The following ATRX variants were observed in gnomAD, a reference collection of about 807,000 sequenced individuals.
ATRX encodes ATRX chromatin remodeler.
Under a neutral mutation model 172.6 loss-of-function variants are expected in ATRX, and 12 were observed. The observed-to-expected ratio is 0.07, with a 90% CI of 0.04 to 0.11. The LOEUF is 0.11. ATRX is among the 10% of genes least tolerant of loss of function. The probability of loss-of-function intolerance (pLI) is 1.00; values close to 1 mark genes in which losing one functional copy is unlikely to be tolerated. For missense variants in ATRX, 1,368 were observed against 1,767.4 expected (o/e 0.77, Z 4.05); for synonymous variants, 674 against 594.7 (o/e 1.13, Z -1.94).
intron 30 of ATRX, among the ~76,000 whole-genome samples, chrX:77,525,985 T>G (rs1057143310): frequency 1.2e-4 from 13 of 112,303 alleles, no homozygotes; most frequent in African/African-American, 3.9e-4. Flanking sequence ...AAAAAATGTC[T>G]GAGATACCAG....
In ATRX at chrX:77,558,780, T is replaced by A; in HGVS notation, c.6393A>T (p.Arg2131=). The A allele has an allele frequency of 4.2e-6, 5 of 1,203,192 alleles. No homozygotes were observed. Among genetic ancestry groups the A allele is most frequent in the Non-Finnish European group, 5.6e-6 (5 of 887,867 alleles). ...SLGINLVAAN[R]VIIFDASWNP... ...TCCAAGAAGCGTCGAATATAATTAC[T>A]CGATTAGCAGCTACCAGATTAATTC... is the stretch of plus-strand genomic sequence containing the variant. The change falls in exon 29 of 35, where the codon CGA becomes CGT. Residue 2131 remains arginine (R), a synonymous_variant. Transcript: ENST00000373344.
intron 30 of ATRX, among the ~76,000 whole-genome samples, chrX:77,538,773 T>A (rs1291723617): frequency 8.9e-6 from 1 of 111,976 alleles, no homozygotes; most frequent in African/African-American, 3.2e-5. Flanking sequence ...TTTGCTGCTC[T>A]TACTTTACCA....
chrX:77,508,872 A>C (rs1211752606), intron 34 of ATRX, among the ~76,000 whole-genome samples: 1 of 112,288 alleles, frequency 8.9e-6, no homozygotes, highest in Non-Finnish European at 1.9e-5. Flanking sequence ...CATTTAGCTT[A>C]GTTGCCATAG....
At chrX:77,734,158 G>T (rs1246298282) in intron 1 of ATRX, among the ~76,000 whole-genome samples, 1 of 110,749 alleles carries the variant, frequency 9.0e-6, no homozygotes, top group Non-Finnish European at 1.9e-5. Flanking sequence ...AGTGAGCCGA[G>T]ATCGTGCCAG....
At position 77,681,887 on chromosome X, in the gene ATRX, G is replaced by A; in HGVS notation, c.3369C>T (p.Asn1123=). ...TTCTTTTCAGTCTCTTATCAGAAGA[G>A]TTACAACCATCTTCTTTCATGGAAT... ...EKYSMKEDGC[N]SSDKRLKRIE... The change falls in exon 9 of 35, where the codon AAC becomes AAT. Residue 1123 remains asparagine (N), a synonymous_variant. Transcript: ENST00000373344. The A allele has an allele frequency of 1.7e-6, 2 of 1,208,961 alleles. No homozygotes were observed. Among genetic ancestry groups the A allele is most frequent in the Non-Finnish European group, 2.2e-6 (2 of 893,664 alleles).
At position 77,505,306 on chromosome X, in the gene ATRX, G is replaced by GGGAA; in HGVS notation, c.*3041_*3044dup. On this transcript the variant is annotated 3_prime_UTR_variant, in exon 35 of 35. Transcript: ENST00000373344. ...ATGGAGGGAAAATGAACATAGCTAAGGGAAGGCTACAAAATATTCAGCTCA... is the reference window on the plus strand; with the variant it reads ...ATGGAGGGAAAATGAACATAGCTAAGGGAAGGAAGGCTACAAAATATTCAGCTCA... The GGGAA allele has an allele frequency of 5.7e-6, 1 of 174,448 alleles. No individual in the cohort carries two copies. The highest frequency in any genetic ancestry group is 8.1e-5 in the East Asian group (1 of 12,325). The allele number at this position is 174,448 out of a possible 1,213,427, so 14.4% of individuals were successfully genotyped here.
Position 77,574,295 on chromosome X carries a change from G to A in ATRX, c.6281C>T (p.Ser2094Leu), listed in dbSNP as rs782019900. The stretch of plus-strand genomic sequence containing the variant: ...AAATTCTTCAGCCCACTTCTTCCTT[G>A]ACTGTGCAGTAGTGGAACCATCTAA... ...YRLDGSTTAQ[S>L]RKKWAEEFND... The change falls in exon 28 of 35, where the codon TCA becomes TTA. Residue 2094 changes from serine (S) to leucine (L), a missense_variant. Physicochemically the swap from Ser to Leu is moderately radical, Grantham distance 145. Around this residue, in one of 17 missense-constraint regions of ATRX, gnomAD observed 45 missense variants for 120.2 expected, o/e 0.37. Coordinates refer to ENST00000373344, the MANE Select transcript of ATRX (RefSeq NM_000489.6). 3 of 1,207,518 alleles carry A rather than the reference G, an allele frequency of 2.5e-6. No individual in the cohort carries two copies. Among genetic ancestry groups the A allele is most frequent in the Non-Finnish European group, 3.4e-6 (3 of 892,695 alleles).
chrX:77,646,166 G>A (rs2068900486), intron 15 of ATRX, among the ~76,000 whole-genome samples: 1 of 111,736 alleles, frequency 8.9e-6, no homozygotes, highest in South Asian at 3.7e-4. Context: ...AAAAGACATA[G>A]ATGGACATAA....
chrX:77,769,624 A>G (rs782192112), intron 1 of ATRX, among the ~76,000 whole-genome samples: 1 of 111,285 alleles, frequency 9.0e-6, no homozygotes, highest in African/African-American at 3.3e-5. Flanking sequence ...AAACGGAAAC[A>G]ATCTGGGAGA....
chrX:77,558,722 C>T lies in ATRX; in HGVS notation c.6451G>A (p.Val2151Ile). 1 of 1,206,429 alleles carries T rather than the reference C, an allele frequency of 8.3e-7. No individual in the cohort carries two copies. Among genetic ancestry groups the T allele is most frequent in the Non-Finnish European group, 1.1e-6 (1 of 890,993 alleles). Residue 2151 changes from valine to isoleucine, a missense_variant, in exon 29 of 35, where the codon GTT becomes ATT. Physicochemically the swap from Val to Ile is conservative, Grantham distance 29. Around this residue, in one of 17 missense-constraint regions of ATRX, gnomAD observed 8 missense variants for 78.0 expected, o/e 0.10. Transcript: ENST00000373344. Reference protein sequence around the residue: ...PSYDIQSIFRVYRFGQTKPVY... With the variant: ...PSYDIQSIFRIYRFGQTKPVY... ...GGCTTAGTTTGTCCAAAGCGATAAA[C>T]TCTGAATATACTCTGGATGTCATAA...
At chrX:77,563,310 T>TA (rs2065080696) in intron 28 of ATRX, among the ~76,000 whole-genome samples, 1 of 112,678 alleles carries the variant, frequency 8.9e-6, no homozygotes, top group Admixed American at 9.4e-5. Flanking sequence ...TATGAAAGTC[T>TA]AATTGTTTCA....
chrX:77,523,171 T>C, intron 31 of ATRX, 81 bp downstream of exon 31: 1 of 1,111,624 alleles, frequency 9.0e-7, no homozygotes. Context: ...ATTACCTGTT[T>C]CAAATGTGAC....
At chrX:77,768,217 G>A (rs1366877667) in intron 1 of ATRX, among the ~76,000 whole-genome samples, 1 of 111,920 alleles carries the variant, frequency 8.9e-6, no homozygotes, top group Non-Finnish European at 1.9e-5. Flanking sequence ...CTTAATGGAA[G>A]ATATGTCATA....
chrX:77,687,297 C>T (rs2071634584), intron 7 of ATRX, among the ~76,000 whole-genome samples: 1 of 109,931 alleles, frequency 9.1e-6, no homozygotes, highest in Admixed American at 9.7e-5. Flanking sequence ...CATATACAAA[C>T]AGCTACTATG....
chrX:77,689,293 A>G (rs1320055486), intron 6 of ATRX, among the ~76,000 whole-genome samples: 3 of 112,228 alleles, frequency 2.7e-5, no homozygotes, highest in African/African-American at 9.7e-5. Flanking sequence ...GGAAGTAAGT[A>G]ACATATACGG....
At chrX:77,681,261 A>T (rs782493410) in intron 9 of ATRX, among the ~76,000 whole-genome samples, 2 of 111,934 alleles carry the variant, frequency 1.8e-5, no homozygotes, top group Non-Finnish European at 3.8e-5. Flanking sequence ...AAAGCACTAA[A>T]CATTGATAAA....
intron 5 of ATRX, 90 bp from the exon 6 acceptor site, chrX:77,694,027 G>T (rs1263236571): frequency 1.4e-5 from 10 of 711,814 alleles, no homozygotes; most frequent in Non-Finnish European, 2.2e-5. Flanking sequence ...AACATTGCTG[G>T]TACATAGTTT....
chrX:77,776,004 T>A (rs1210963599), intron 1 of ATRX, among the ~76,000 whole-genome samples: 14 of 111,658 alleles, frequency 1.3e-4, no homozygotes, highest in Non-Finnish European at 2.6e-4. Context: ...AGTGGTGGGA[T>A]TACAGGCATG....
intron 1 of ATRX, among the ~76,000 whole-genome samples, chrX:77,779,333 G>A (rs1056028499): frequency 1.4e-4 from 15 of 109,579 alleles, no homozygotes; most frequent in African/African-American, 5.0e-4. Context: ...TTTACTTCAT[G>A]CAGCATTTAT....
Sources: gnomAD v4.1 joint callset for allele counts (sites outside exome capture counted in the v4.1 genomes callset) on GRCh38, gnomAD v4.1.1 for gene constraint, gnomAD v4.1.1 regional missense constraint, MANE v1.5 for transcripts, NCBI Gene and HGNC (gene_info 2026-07-23, HGNC 2026-07-21) for gene names.